DPP10: variants seen among roughly 807,000 people sequenced by gnomAD.
DPP10 encodes the protein inactive dipeptidyl peptidase 10.
In DPP10, 33 loss-of-function variants were observed where a neutral mutation model predicts 120.9. The ratio of observed to expected loss-of-function variants is 0.27; its 90% CI spans 0.21 to 0.37. The LOEUF (loss-of-function observed/expected upper bound fraction) is 0.37, where lower values mean the gene tolerates loss of function less well. Among genes scored for constraint, DPP10 ranks in the 10% least tolerant of loss-of-function variants. The pLI, the probability that DPP10 is intolerant of heterozygous loss-of-function variation, is 1.00. For missense variants in DPP10, 816 were observed against 942.8 expected (o/e 0.87, Z 1.76); for synonymous variants, 337 against 326.1 (o/e 1.03, Z -0.36).
intron 1 of DPP10, chr2:114,835,248 C>T (rs1687624307): frequency 6.6e-6 from 1 of 150,686 alleles, no homozygotes; most frequent in Admixed American, 6.6e-5. Flanking sequence ...GTATATAGGA[C>T]ATATCTACAC....
At chr2:115,424,489 A>T (rs1462360825) in intron 3 of DPP10, among the ~76,000 whole-genome samples, 1 of 152,036 alleles carries the variant, frequency 6.6e-6, no homozygotes, top group Non-Finnish European at 1.5e-5. Flanking sequence ...GAAAACAAAA[A>T]AAAAGAAGTC....
intron 3 of DPP10, among the ~76,000 whole-genome samples, chr2:115,445,339 A>G (rs2072477030): frequency 6.6e-6 from 1 of 152,200 alleles, no homozygotes; most frequent in South Asian, 2.1e-4. Context: ...GAACTGGGTG[A>G]CAGGCAGAGG....
chr2:115,411,823 G>C (rs148693180), intron 3 of DPP10, among the ~76,000 whole-genome samples: 7 of 152,192 alleles, frequency 4.6e-5, no homozygotes, highest in African/African-American at 7.2e-5. Context: ...ACATGTAGTG[G>C]AATGGTTAAA....
intron 21 of DPP10, among the ~76,000 whole-genome samples, chr2:115,834,798 A>C (rs188959745): frequency 5.9e-5 from 9 of 152,290 alleles, no homozygotes; most frequent in Admixed American, 5.9e-4. Flanking sequence ...TTAACAGGAG[A>C]AAAACAAGCC....
chr2:114,519,441 T>A (rs1684869922), intron 1 of DPP10, among the ~76,000 whole-genome samples: 1 of 152,232 alleles, frequency 6.6e-6, no homozygotes, highest in African/African-American at 2.4e-5. Context: ...TTGCATACAT[T>A]GATCTAAAAA....
chr2:115,119,187 G>A (rs2049694179), intron 1 of DPP10, among the ~76,000 whole-genome samples: 1 of 152,180 alleles, frequency 6.6e-6, no homozygotes, highest in African/African-American at 2.4e-5. Flanking sequence ...TACTGAAGTT[G>A]TGCAGGTGCT....
intron 1 of DPP10, among the ~76,000 whole-genome samples, chr2:115,014,842 ATAAT>A (rs1702516355): frequency 6.7e-6 from 1 of 148,394 alleles, no homozygotes; most frequent in Admixed American, 6.8e-5. Flanking sequence ...AATTGAGGCA[ATAAT>A]TAATAGCCTA....
intron 1 of DPP10, among the ~76,000 whole-genome samples, chr2:114,908,255 T>C (rs1439519763): frequency 1.3e-5 from 2 of 152,030 alleles, no homozygotes; most frequent in Non-Finnish European, 1.5e-5. Flanking sequence ...TCTTATCTAG[T>C]CTAATGATCT....
chr2:114,617,522 T>C (rs1015664966), intron 1 of DPP10, among the ~76,000 whole-genome samples: 7 of 152,114 alleles, frequency 4.6e-5, no homozygotes, highest in Non-Finnish European at 2.9e-5. Flanking sequence ...AAAATAAAAA[T>C]GACCAGTGGC....
intron 5 of DPP10, among the ~76,000 whole-genome samples, chr2:115,656,944 A>G (rs2088414042): frequency 6.6e-6 from 1 of 151,664 alleles, no homozygotes; most frequent in African/African-American, 2.4e-5. Flanking sequence ...TTCAATGGGT[A>G]TAAAGTTTCT....
At chr2:115,263,697 A>AG (rs2059345950) in intron 1 of DPP10, among the ~76,000 whole-genome samples, 1 of 152,232 alleles carries the variant, frequency 6.6e-6, no homozygotes, top group Non-Finnish European at 1.5e-5. Context: ...TTGTATAAAA[A>AG]GTCATTTCAA....
In DPP10 at chr2:114,647,564, A is replaced by C. The variant is rs184457125; in HGVS notation, c.60+204726A>C. On this transcript the variant is annotated intron_variant, in intron 1 of 25. Coordinates refer to ENST00000410059, the MANE Select transcript of DPP10 (RefSeq NM_020868.6). ...TTCTACACCTGTAATGAAATCCATAATGAAAAGGAAAACAGAAGTACATTT... is the reference window on the plus strand; with the variant it reads ...TTCTACACCTGTAATGAAATCCATACTGAAAAGGAAAACAGAAGTACATTT... Among the ~76,000 whole-genome samples, 357 of 152,178 alleles carry C rather than the reference A, an allele frequency of 2.3e-3. 2 individuals carry two copies. The highest frequency in any genetic ancestry group is 8.3e-3 in the African/African-American group (346 of 41,516).
At chr2:114,818,488 G>A (rs762160965) in intron 1 of DPP10, among the ~76,000 whole-genome samples, 26 of 152,282 alleles carry the variant, frequency 1.7e-4, no homozygotes, top group Non-Finnish European at 2.6e-4. Context: ...ACGAAAGAAG[G>A]AAATGAAGTG....
intron 1 of DPP10, chr2:115,065,504 T>A (rs1471315847): frequency 6.6e-6 from 1 of 151,924 alleles, no homozygotes; most frequent in African/African-American, 2.4e-5. Flanking sequence ...TCTTATGTTC[T>A]TTTTTTTCTT....
At chr2:115,017,366 A>G (rs1458650439) in intron 1 of DPP10, among the ~76,000 whole-genome samples, 1 of 152,150 alleles carries the variant, frequency 6.6e-6, no homozygotes, top group Non-Finnish European at 1.5e-5. Context: ...GGTCCTGGAG[A>G]GGATGTGGAG....
At chr2:114,714,669 T>G (rs1701242570) in intron 1 of DPP10, among the ~76,000 whole-genome samples, 1 of 152,182 alleles carries the variant, frequency 6.6e-6, no homozygotes, top group Non-Finnish European at 1.5e-5. Flanking sequence ...GTTATTTTTC[T>G]GAGACTATTT....
intron 1 of DPP10, among the ~76,000 whole-genome samples, chr2:114,589,891 T>C (rs764181186): frequency 9.2e-5 from 14 of 152,042 alleles, no homozygotes; most frequent in Non-Finnish European, 1.9e-4. Flanking sequence ...ATACAGTCTT[T>C]GTTTTTACTC....
chr2:115,045,819 T>C (rs1705020761), intron 1 of DPP10, among the ~76,000 whole-genome samples: 1 of 152,190 alleles, frequency 6.6e-6, no homozygotes, highest in African/African-American at 2.4e-5. Flanking sequence ...GTGTTGCTGT[T>C]GTGGAGTCGA....
At chr2:115,120,442 C>T (rs1012918681) in intron 1 of DPP10, among the ~76,000 whole-genome samples, 12 of 152,028 alleles carry the variant, frequency 7.9e-5, no homozygotes, top group African/African-American at 1.2e-4. Flanking sequence ...ATAGAAGGTT[C>T]CTTGGACTTA....
Sources: gnomAD v4.1 joint callset for allele counts (sites outside exome capture counted in the v4.1 genomes callset) on GRCh38, gnomAD v4.1.1 for gene constraint, MANE v1.5 for transcripts, NCBI Gene and HGNC (gene_info 2026-07-23, HGNC 2026-07-21) for gene names.